The following MECOM variants were observed in gnomAD, a reference collection of about 807,000 sequenced individuals.
MECOM encodes histone-lysine N-methyltransferase MECOM.
In MECOM, 13 loss-of-function variants were observed where a neutral mutation model predicts 116.3. That is an observed-to-expected ratio of 0.11 (90% CI 0.07 to 0.18). The LOEUF (loss-of-function observed/expected upper bound fraction) is 0.18. Among genes scored for constraint, MECOM ranks in the 10% least tolerant of loss-of-function variants. The pLI is 1.00. For synonymous variants in MECOM, 528 were observed against 535.2 expected (o/e 0.99, Z 0.19); for missense variants, 1,299 against 1,509.0 (o/e 0.86, Z 2.31).
chr3:169,478,052 G>A (rs913188903), intron 1 of MECOM, among the ~76,000 whole-genome samples: 1 of 152,140 alleles, frequency 6.6e-6, no homozygotes, highest in African/African-American at 2.4e-5. Flanking sequence ...AAATGTCCTA[G>A]CAAACTGAGA....
At chr3:169,601,469 G>T (rs575216678) in intron 1 of MECOM, among the ~76,000 whole-genome samples, 2 of 152,278 alleles carry the variant, frequency 1.3e-5, no homozygotes, top group African/African-American at 4.8e-5. Context: ...AACTCACCAG[G>T]CCTCTTACAT....
At chr3:169,118,982 T>C (rs1332868361) in intron 7 of MECOM, among the ~76,000 whole-genome samples, 4 of 152,226 alleles carry the variant, frequency 2.6e-5, no homozygotes, top group African/African-American at 9.6e-5. Flanking sequence ...TTCTCAGTAA[T>C]AAGGAATTAG....
At chr3:169,273,943 A>T (rs1759278205) in intron 2 of MECOM, among the ~76,000 whole-genome samples, 2 of 134,158 alleles carry the variant, frequency 1.5e-5, no homozygotes, top group African/African-American at 6.0e-5. Context: ...ATGGAGTATC[A>T]TTCTGTTGCC....
intron 1 of MECOM, among the ~76,000 whole-genome samples, chr3:169,454,493 A>G (rs1466409065): frequency 5.3e-5 from 8 of 151,746 alleles, no homozygotes; most frequent in African/African-American, 1.5e-4. Context: ...TGTTTTCCAG[A>G]AGAAAATGTG....
chr3:169,153,338 G>C (rs1741452007), intron 2 of MECOM, among the ~76,000 whole-genome samples: 2 of 152,016 alleles, frequency 1.3e-5, no homozygotes, highest in South Asian at 2.1e-4. Context: ...TATCAATCTG[G>C]TTGTTCAGAC....
chr3:169,262,883 G>T (rs1757729212), intron 2 of MECOM, among the ~76,000 whole-genome samples: 1 of 151,532 alleles, frequency 6.6e-6, no homozygotes, highest in African/African-American at 2.4e-5. Context: ...TTACATTAAA[G>T]ATGCCCCAGG....
chr3:169,613,667 G>C (rs1487135061), intron 1 of MECOM: 1 of 152,236 alleles, frequency 6.6e-6, no homozygotes, highest in Non-Finnish European at 1.5e-5. Context: ...GGGGCAGCCT[G>C]ACTTCAAGGA....
intron 2 of MECOM, among the ~76,000 whole-genome samples, chr3:169,213,341 A>G (rs1255572175): frequency 6.6e-6 from 1 of 152,156 alleles, no homozygotes; most frequent in Non-Finnish European, 1.5e-5. Flanking sequence ...AAGATTACAA[A>G]AAGCAACGAA....
At chr3:169,097,468 T>A (rs1193552569) in intron 12 of MECOM, among the ~76,000 whole-genome samples, 1 of 152,042 alleles carries the variant, frequency 6.6e-6, no homozygotes, top group Non-Finnish European at 1.5e-5. Flanking sequence ...GCCTTCCTAG[T>A]TATTGGATGT....
intron 1 of MECOM, among the ~76,000 whole-genome samples, chr3:169,466,053 T>C (rs923217100): frequency 2.0e-5 from 3 of 151,998 alleles, no homozygotes; most frequent in Admixed American, 6.6e-5. Flanking sequence ...GATTCTAAAG[T>C]TGTATTTTGT....
At chr3:169,538,125 C>A (rs1759610283) in intron 1 of MECOM, among the ~76,000 whole-genome samples, 1 of 152,186 alleles carries the variant, frequency 6.6e-6, no homozygotes, top group Admixed American at 6.5e-5. Flanking sequence ...GTGCTGGAAG[C>A]CATTATTCTT....
chr3:169,291,604 T>C (rs16853426), intron 2 of MECOM, among the ~76,000 whole-genome samples: 28,696 of 152,066 alleles, frequency 0.19, 6,522 homozygotes, highest in African/African-American at 0.53. Context: ...TAAACTAAGT[T>C]AAAATTTCTA....
chr3:169,632,550 A>G (rs1474106840), intron 1 of MECOM, among the ~76,000 whole-genome samples: 1 of 152,234 alleles, frequency 6.6e-6, no homozygotes, highest in Non-Finnish European at 1.5e-5. Flanking sequence ...CAGTCCAAAG[A>G]GGTGATGAAG....
intron 1 of MECOM, among the ~76,000 whole-genome samples, chr3:169,582,099 G>T (rs1443020410): frequency 1.3e-5 from 2 of 152,164 alleles, no homozygotes; most frequent in Non-Finnish European, 2.9e-5. Flanking sequence ...GTTTAAATTG[G>T]ACTGTAGTTA....
intron 2 of MECOM, among the ~76,000 whole-genome samples, chr3:169,233,901 T>C (rs1052970456): frequency 6.6e-6 from 1 of 152,076 alleles, no homozygotes; most frequent in Non-Finnish European, 1.5e-5. Flanking sequence ...AGGAGTAAAA[T>C]ATATGTTGCT....
intron 1 of MECOM, among the ~76,000 whole-genome samples, chr3:169,618,882 G>T (rs894233877): frequency 3.3e-5 from 5 of 152,100 alleles, no homozygotes; most frequent in African/African-American, 1.2e-4. Context: ...TCTCAAAGAA[G>T]ATAGTAAAAT....
chr3:169,323,549 T>C (rs142403174), intron 2 of MECOM, among the ~76,000 whole-genome samples: 1 of 152,268 alleles, frequency 6.6e-6, no homozygotes, highest in African/African-American at 2.4e-5. Flanking sequence ...GATCTCAATA[T>C]TGAACCCAGA....
At chr3:169,366,701 GA>G (rs1174170833) in intron 2 of MECOM, among the ~76,000 whole-genome samples, 1 of 151,790 alleles carries the variant, frequency 6.6e-6, no homozygotes, top group East Asian at 1.9e-4. Context: ...TCTAAACAAC[GA>G]AAAAAGAAAA....
At chr3:169,472,580 G>GGAAAGGAA (rs1749612710) in intron 1 of MECOM, among the ~76,000 whole-genome samples, 3 of 59,094 alleles carry the variant, frequency 5.1e-5, no homozygotes, top group African/African-American at 2.7e-4. Context: ...GAGGAGAGGA[G>GGAAAGGAA]AGGAAAGGAA....
Sources: gnomAD v4.1 joint callset for allele counts (sites outside exome capture counted in the v4.1 genomes callset) on GRCh38, gnomAD v4.1.1 for gene constraint, MANE v1.5 for transcripts, NCBI Gene and HGNC (gene_info 2026-07-23, HGNC 2026-07-21) for gene names.